Variants in PHKB observed in about 807,000 individuals in gnomAD.
PHKB encodes the protein phosphorylase b kinase regulatory subunit beta.
PHKB carries 122 observed loss-of-function variants against 152.1 expected under a neutral mutation model. That is an observed-to-expected ratio of 0.80 (90% confidence interval 0.69 to 0.93). The LOEUF (loss-of-function observed/expected upper bound fraction) is 0.93. PHKB is among the 40% of genes least tolerant of loss of function. PHKB has a pLI of 0.00. For synonymous variants in PHKB, 436 were observed against 464.9 expected (o/e 0.94, Z 0.80); for missense variants, 1,304 against 1,328.4 (o/e 0.98, Z 0.29).
intron 14 of PHKB, 59 bp from the exon 15 acceptor site, chr16:47,640,976 T>C: frequency 7.0e-7 from 1 of 1,419,652 alleles, no homozygotes; most frequent in Non-Finnish European, 1.0e-6. Flanking sequence ...TTTCTCATTG[T>C]AGCTGATGAT....
intron 8 of PHKB, among the ~76,000 whole-genome samples, chr16:47,587,429 A>G (rs1012321661): frequency 2.6e-5 from 4 of 152,198 alleles, no homozygotes; most frequent in African/African-American, 9.7e-5. Flanking sequence ...TTTGATTTAT[A>G]AGAAAGTCAA....
intron 14 of PHKB, among the ~76,000 whole-genome samples, chr16:47,631,141 TCCTC>T (rs1464289063): frequency 6.6e-6 from 1 of 152,122 alleles, no homozygotes; most frequent in Non-Finnish European, 1.5e-5. Flanking sequence ...TCTTCTTCCT[TCCTC>T]TCTCTCTTTC....
Position 47,601,186 on chromosome 16 carries a change from T to A in PHKB, c.1363+4655T>A, listed in dbSNP as rs192655977. Among the ~76,000 whole-genome samples, 157 of 152,234 alleles carry A rather than the reference T, an allele frequency of 1.0e-3. 1 individual carries two copies. Among genetic ancestry groups the A allele is most frequent in the Non-Finnish European group, 4.3e-4 (29 of 68,000 alleles). ...GAGCCATGATTGCACCACTGCACTGTAGCCTGGGCAATAGAGTGAGACCCT... is the reference window on the plus strand; with the variant it reads ...GAGCCATGATTGCACCACTGCACTGAAGCCTGGGCAATAGAGTGAGACCCT... On this transcript the variant is annotated intron_variant, in intron 13 of 30. Coordinates refer to ENST00000323584, the MANE Select transcript of PHKB (RefSeq NM_000293.3).
intron 20 of PHKB, among the ~76,000 whole-genome samples, chr16:47,654,680 T>C (rs1462053221): frequency 6.6e-6 from 1 of 152,026 alleles, no homozygotes; most frequent in East Asian, 1.9e-4. Context: ...GAAACCATCA[T>C]TCTCAGCAAA....
rs775618622 is a variant in PHKB, at chr16:47,669,276, T to G, written c.2489T>G (p.Val830Gly). 4.2e-5 allele frequency: 67 copies of G among 1,613,842 alleles called. No individual in the cohort carries two copies. The highest frequency in any genetic ancestry group is 5.5e-5 in the Non-Finnish European group (65 of 1,179,964). Residue 830 changes from valine to glycine, a missense_variant, in exon 26 of 31, where the codon GTG (valine) becomes GGG (glycine). Transcript: ENST00000323584. ...EVISNPLSPRVIQNIIYYKCN... is the reference protein window; with the variant it reads ...EVISNPLSPRGIQNIIYYKCN... ...ATCTCTAATCCTTTGTCTCCAAGAG[T>G]GATTCAAAACATCATCTATTATAAG...
At chr16:47,468,256 A>G (rs962469615) in intron 1 of PHKB, among the ~76,000 whole-genome samples, 8 of 152,028 alleles carry the variant, frequency 5.3e-5, no homozygotes, top group Admixed American at 3.9e-4. Context: ...TTCTTATCTC[A>G]CTACAGTCTG....
chr16:47,666,085 G>C, intron 25 of PHKB: 1 of 1,274,232 alleles, frequency 7.8e-7, no homozygotes, highest in Admixed American at 1.7e-5. Flanking sequence ...AAGATTTCTG[G>C]CTAGGACCCT....
chr16:47,682,525 A>G (rs571838369), intron 26 of PHKB, among the ~76,000 whole-genome samples: 167 of 152,102 alleles, frequency 1.1e-3, no homozygotes, highest in African/African-American at 4.0e-3. Flanking sequence ...GTCTTCCATC[A>G]CTGATACCCT....
chr16:47,681,563 G>A (rs1454831805), intron 26 of PHKB, among the ~76,000 whole-genome samples: 1 of 151,950 alleles, frequency 6.6e-6, no homozygotes, highest in African/African-American at 2.4e-5. Context: ...TTGGTTTAAA[G>A]TCTGTTTTAT....
chr16:47,465,124 GATTTCT>G (rs1303343300), intron 1 of PHKB, among the ~76,000 whole-genome samples: 41 of 152,322 alleles, frequency 2.7e-4, no homozygotes, highest in African/African-American at 9.1e-4. Flanking sequence ...GAACTAAAAT[GATTTCT>G]ATTTCTAGGT....
intron 14 of PHKB, among the ~76,000 whole-genome samples, chr16:47,627,172 C>T (rs570925736): frequency 6.6e-6 from 1 of 152,320 alleles, no homozygotes; most frequent in African/African-American, 2.4e-5. Flanking sequence ...GTTTCACCCT[C>T]ATCTTACTTA....
Position 47,580,049 on chromosome 16 carries a change from A to G in PHKB, c.711-246A>G, listed in dbSNP as rs1008436020. Among the ~76,000 whole-genome samples, 3 of 152,106 alleles carry G rather than the reference A, an allele frequency of 2.0e-5. No individual in the cohort carries two copies. In the East Asian group the frequency reaches 5.8e-4, roughly 29 times the overall value. The stretch of plus-strand genomic sequence containing the variant: ...TTCTGGAATTAAAACTACTCCCATC[A>G]ATAGTATGACCATTAGTTTAGATCA... On this transcript the variant is annotated intron_variant, in intron 7 of 30. Transcript: ENST00000323584.
chr16:47,516,945 C>A (rs1970608319), intron 6 of PHKB, among the ~76,000 whole-genome samples: 1 of 152,112 alleles, frequency 6.6e-6, no homozygotes, highest in South Asian at 2.1e-4. Flanking sequence ...AGCTGGGAAA[C>A]TCCTGTTTTA....
At chr16:47,557,614 C>A (rs1971399357) in intron 7 of PHKB, among the ~76,000 whole-genome samples, 1 of 152,128 alleles carries the variant, frequency 6.6e-6, no homozygotes, top group East Asian at 1.9e-4. Flanking sequence ...ATTTATGCAG[C>A]CAAAAAGCAC....
At chr16:47,659,709 A>G (rs1973403543) in intron 20 of PHKB, among the ~76,000 whole-genome samples, 2 of 152,174 alleles carry the variant, frequency 1.3e-5, no homozygotes, top group Non-Finnish European at 1.5e-5. Context: ...CAATACCTTC[A>G]TGTTCCTGAA....
chr16:47,591,050 A>G (rs918411459), intron 10 of PHKB, among the ~76,000 whole-genome samples: 2 of 151,676 alleles, frequency 1.3e-5, no homozygotes, highest in African/African-American at 2.4e-5. Context: ...ACCCCATCCT[A>G]TTCTCTTTTC....
intron 25 of PHKB, among the ~76,000 whole-genome samples, chr16:47,668,717 G>C (rs985034407): frequency 6.6e-6 from 1 of 152,116 alleles, no homozygotes; most frequent in African/African-American, 2.4e-5. Flanking sequence ...CCAGAAAAAT[G>C]AGGGCTACAC....
At chr16:47,542,439 C>T (rs995599660) in intron 6 of PHKB, among the ~76,000 whole-genome samples, 2 of 152,088 alleles carry the variant, frequency 1.3e-5, no homozygotes, top group African/African-American at 4.8e-5. Context: ...AGCGTGATGC[C>T]TCCAGCTTCA....
intron 1 of PHKB, among the ~76,000 whole-genome samples, chr16:47,488,392 CTGTT>C (rs1385474965): frequency 6.6e-6 from 1 of 152,112 alleles, no homozygotes; most frequent in African/African-American, 2.4e-5. Context: ...TCTAGATTGT[CTGTT>C]TGCTCTATCG....
Sources: gnomAD v4.1 joint callset for allele counts (sites outside exome capture counted in the v4.1 genomes callset) on GRCh38, gnomAD v4.1.1 for gene constraint, MANE v1.5 for transcripts, NCBI Gene and HGNC (gene_info 2026-07-23, HGNC 2026-07-21) for gene names.